Variants in NINJ2 observed in about 807,000 individuals in gnomAD.
The protein encoded by NINJ2 is ninjurin-2.
Under a neutral mutation model 11.7 loss-of-function variants are expected in NINJ2, and 12 were observed. The ratio of observed to expected loss-of-function variants is 1.02; its 90% CI spans 0.66 to 1.66. The LOEUF (loss-of-function observed/expected upper bound fraction) is 1.66, where lower values mean the gene tolerates loss of function less well. Ranked by LOEUF, NINJ2 falls within the 40% of genes most tolerant of loss-of-function variation. The pLI is 0.00. For missense variants in NINJ2, 187 were observed against 181.8 expected, an observed-to-expected ratio of 1.03 and a Z score of -0.16; for synonymous variants, 93 against 76.8, an observed-to-expected ratio of 1.21 and a Z score of -1.10.
intron 1 of NINJ2, among the ~76,000 whole-genome samples, chr12:606,668 C>A (rs539189940): frequency 6.6e-6 from 1 of 152,308 alleles, no homozygotes; most frequent in African/African-American, 2.4e-5. Context: ...ACACTAGAAG[C>A]TACAATTCTA....
chr12:623,173 T>C (rs1171915111), intron 1 of NINJ2, among the ~76,000 whole-genome samples: 4 of 152,168 alleles, frequency 2.6e-5, no homozygotes, highest in Admixed American at 6.5e-5. Flanking sequence ...GGAAGCAAGA[T>C]AGGGGCTCAG....
At chr12:620,230 A>AT (rs1948136662) in intron 1 of NINJ2, among the ~76,000 whole-genome samples, 3 of 152,260 alleles carry the variant, frequency 2.0e-5, no homozygotes, top group Admixed American at 1.3e-4. Flanking sequence ...CTCTTGACAT[A>AT]GTCAAGAGAC....
intron 1 of NINJ2, among the ~76,000 whole-genome samples, chr12:629,896 AATATAT>A (rs1160871577): frequency 5.0e-4 from 5 of 9,904 alleles, no homozygotes; most frequent in Admixed American, 2.9e-3. Flanking sequence ...AAAAAAAAAA[AATATAT>A]ATATATATAT....
intron 1 of NINJ2, among the ~76,000 whole-genome samples, chr12:662,731 C>T (rs1937974320): frequency 2.6e-5 from 4 of 152,188 alleles, no homozygotes. Flanking sequence ...GGACTGGAAC[C>T]TCTGATGCCT....
rs1363431275 is a variant in NINJ2, at chr12:615,118, G to GC, written c.33+48209_33+48210insG. Reference sequence around the variant, plus strand: ...TGGATTATAGAAATAATAACCTACAGTCATCTTTCAGCTCTGATAAATGAG... The same window carrying GC: ...TGGATTATAGAAATAATAACCTACAGCTCATCTTTCAGCTCTGATAAATGAG... On this transcript the variant is annotated intron_variant, in intron 1 of 3. Coordinates refer to ENST00000305108, the MANE Select transcript of NINJ2 (RefSeq NM_016533.6). Among the ~76,000 whole-genome samples, 123 of 152,282 alleles carry GC rather than the reference G, an allele frequency of 8.1e-4. 1 individual carries two copies. Among genetic ancestry groups the GC allele is most frequent in the African/African-American group, 2.9e-3 (121 of 41,542 alleles).
chr12:577,537 C>T (rs1418790929), intron 1 of NINJ2, among the ~76,000 whole-genome samples: 1 of 149,296 alleles, frequency 6.7e-6, no homozygotes, highest in Non-Finnish European at 1.5e-5. Context: ...GGGATGTAGT[C>T]CCATTCTACA....
At position 580,586 on chromosome 12, in the gene NINJ2, CAA is replaced by C. The variant is rs201288258; in HGVS notation, c.34-14410_34-14409del. 0.075 allele frequency among the ~76,000 whole-genome samples: 10,854 copies of C among 143,934 alleles called. 418 individuals carry two copies. The highest frequency in any genetic ancestry group is 0.2 in the East Asian group (997 of 4,904). The allele number at this position is 143,934 out of a possible 152,430, so 94.4% of individuals were successfully genotyped here. ...TGCATGACAGAGAGAGACCCTGTCT[CAA>C]AAAAAAAAAAATATATATATATATA... On this transcript the variant is annotated intron_variant, in intron 1 of 3. Transcript: ENST00000305108. This position sits in a 1 kb window ranked among gnomAD's most constrained non-coding sequence, Gnocchi z 4.7.
intron 1 of NINJ2, among the ~76,000 whole-genome samples, chr12:661,144 T>C (rs554049784): frequency 1.3e-5 from 2 of 152,274 alleles, no homozygotes; most frequent in South Asian, 2.1e-4. Context: ...AATGGCATGA[T>C]TGTAGCTCAC....
chr12:594,489 A>C (rs1947757430), intron 1 of NINJ2, among the ~76,000 whole-genome samples: 2 of 152,202 alleles, frequency 1.3e-5, no homozygotes, highest in Admixed American at 1.3e-4. Flanking sequence ...ACTCTGATGA[A>C]AGAAACCAAA....
At chr12:641,844 C>CAAA (rs10549771) in intron 1 of NINJ2, among the ~76,000 whole-genome samples, 18 of 116,884 alleles carry the variant, frequency 1.5e-4, no homozygotes, top group African/African-American at 5.1e-4. Flanking sequence ...GACTCCGTCT[C>CAAA]AAAAAAAAAA....
intron 1 of NINJ2, among the ~76,000 whole-genome samples, chr12:646,511 T>C (rs1937685514): frequency 6.6e-6 from 1 of 151,916 alleles, no homozygotes; most frequent in Non-Finnish European, 1.5e-5. Flanking sequence ...GGAATGTGGG[T>C]GAGCATTAAA....
chr12:585,789 A>T lies in NINJ2; in HGVS notation c.34-19611T>A, dbSNP rs1333924780. On this transcript the variant is annotated intron_variant, in intron 1 of 3. Transcript: ENST00000305108. The surrounding 1 kb of genome is among the most constrained non-coding windows in gnomAD (Gnocchi z 4.1). ...CATGGCTTAGAAAGGAATAGCTCAG[A>T]CGGAGTTTGTGATTAATTACGGGAA... The T allele has an allele frequency of 6.6e-6, 1 of 152,262 alleles. No individual in the cohort carries two copies. The highest frequency in any genetic ancestry group is 1.5e-5 in the Non-Finnish European group (1 of 68,070). The allele number at this position is 152,262 out of a possible 1,614,324, so 9.4% of individuals were successfully genotyped here. A position where few individuals can be genotyped will look rare whatever the true frequency, so the allele number is the denominator to read the frequency against.
At chr12:595,616 G>A (rs111819355) in intron 1 of NINJ2, among the ~76,000 whole-genome samples, 1 of 152,218 alleles carries the variant, frequency 6.6e-6, no homozygotes, top group Admixed American at 6.5e-5. Flanking sequence ...AGCCGGGCGT[G>A]TTGGTGCATG....
intron 1 of NINJ2, among the ~76,000 whole-genome samples, chr12:630,358 GGTT>G (rs1565641929): frequency 6.6e-6 from 1 of 150,422 alleles, no homozygotes; most frequent in Non-Finnish European, 1.5e-5. Flanking sequence ...TCTTTTTCTT[GGTT>G]TTTTGTTTTG....
rs1250087698 is a variant in NINJ2, at chr12:585,327, G to A, written c.34-19149C>T. Among the ~76,000 whole-genome samples the A allele has an allele frequency of 6.6e-6, 1 of 152,164 alleles. No homozygotes were observed. The highest frequency in any genetic ancestry group is 2.4e-5 in the African/African-American group (1 of 41,426). ...TGGTAGAACTGCCCATGCCAAGAGG[G>A]GTCCATACCAACTTCCGGAATAAAC... On this transcript the variant is annotated intron_variant, in intron 1 of 3. Coordinates refer to ENST00000305108, the MANE Select transcript of NINJ2 (RefSeq NM_016533.6). This position sits in a 1 kb window ranked among gnomAD's most constrained non-coding sequence, Gnocchi z 4.1.
At chr12:573,511 G>A (rs931509029) in intron 1 of NINJ2, among the ~76,000 whole-genome samples, 9 of 152,000 alleles carry the variant, frequency 5.9e-5, no homozygotes, top group Non-Finnish European at 7.4e-5. Context: ...CCTCAGAGGC[G>A]GAGGTTGCAG....
At chr12:629,896 A>AAAAAAAAAAAAATATATATATATAT in intron 1 of NINJ2, among the ~76,000 whole-genome samples, 1 of 9,902 alleles carries the variant, frequency 1.0e-4, no homozygotes, top group Admixed American at 2.9e-3. Context: ...AAAAAAAAAA[A>AAAAAAAAAAAAATATATATATATAT]ATATATATAT....
rs564849220 is a variant in NINJ2 at position 599,841 on chromosome 12, G to A, written c.34-33663C>T. On this transcript the variant is annotated intron_variant, in intron 1 of 3. Coordinates refer to ENST00000305108, the MANE Select transcript of NINJ2 (RefSeq NM_016533.6). ...GGCTCACATTCCTCCCCGAGATGCC[G>A]CCACTGATTCACCATGGTGCCAGTG... Among the ~76,000 whole-genome samples the A allele has an allele frequency of 7.7e-4, 117 of 152,064 alleles. 1 individual carries two copies. Among genetic ancestry groups the A allele is most frequent in the Non-Finnish European group, 1.6e-3 (109 of 68,006 alleles).
intron 1 of NINJ2, among the ~76,000 whole-genome samples, chr12:578,040 G>A (rs1488469679): frequency 2.0e-5 from 3 of 152,126 alleles, no homozygotes; most frequent in Non-Finnish European, 4.4e-5. Flanking sequence ...CCCTGGGCCT[G>A]GTAGTTAAAG....
Sources: gnomAD v4.1 joint callset for allele counts (sites outside exome capture counted in the v4.1 genomes callset) on GRCh38, gnomAD v4.1.1 for gene constraint, Gnocchi (gnomAD v3.1) non-coding constraint, MANE v1.5 for transcripts, NCBI Gene and HGNC (gene_info 2026-07-23, HGNC 2026-07-21) for gene names.